CPS1: variants seen among roughly 807,000 people sequenced by gnomAD.
The protein encoded by CPS1 is carbamoyl-phosphate synthase [ammonia], mitochondrial.
Under a neutral mutation model 174.6 loss-of-function variants are expected in CPS1, and 109 were observed. The ratio of observed to expected loss-of-function variants is 0.62; its 90% CI spans 0.53 to 0.73. The LOEUF (loss-of-function observed/expected upper bound fraction) is 0.73. Among genes scored for constraint, CPS1 ranks in the 30% least tolerant of loss-of-function variants. CPS1 has a pLI of 0.00. For missense variants in CPS1, 1,689 were observed against 1,821.9 expected (o/e 0.93, Z 1.33); for synonymous variants, 637 against 632.0 (o/e 1.01, Z -0.12).
chr2:210,660,281 G>T (rs1574653840), intron 31 of CPS1, among the ~76,000 whole-genome samples: 1 of 151,974 alleles, frequency 6.6e-6, no homozygotes, highest in African/African-American at 2.4e-5. Flanking sequence ...TTTGGAAAAA[G>T]GCATGAAAGA....
rs768579926 is a variant in CPS1, at chr2:210,648,013, G to A, written c.3292G>A (p.Glu1098Lys). Residue 1098 changes from glutamate to lysine, a missense_variant, in exon 26 of 38, where the codon GAG becomes AAG. Coordinates refer to ENST00000233072, the MANE Select transcript of CPS1 (RefSeq NM_001875.5). ...DRSIFSAVLDELKVAQAPWKA... is the reference protein window; with the variant it reads ...DRSIFSAVLDKLKVAQAPWKA... ...CTCCATCTTCTCAGCTGTCTTGGAT[G>A]AGCTGAAGGTGGCTCAGGCACCTTG... 2.5e-6 allele frequency: 4 copies of A among 1,613,924 alleles called. No individual in the cohort carries two copies. The highest frequency in any genetic ancestry group is 1.3e-5 in the African/African-American group (1 of 74,922).
intron 32 of CPS1, among the ~76,000 whole-genome samples, chr2:210,662,110 T>G (rs1310120722): frequency 6.6e-6 from 1 of 151,854 alleles, no homozygotes; most frequent in African/African-American, 2.4e-5. Context: ...GAGATGGGGT[T>G]TTGCCATGTT....
At chr2:210,635,554 A>AT (rs1700018294) in intron 21 of CPS1, among the ~76,000 whole-genome samples, 2 of 152,192 alleles carry the variant, frequency 1.3e-5, no homozygotes, top group Non-Finnish European at 2.9e-5. Flanking sequence ...GTAGCTCTAA[A>AT]TTTTTGGTCT....
At chr2:210,522,327 A>T (rs1303535638) in intron 1 of CPS1, among the ~76,000 whole-genome samples, 1 of 151,976 alleles carries the variant, frequency 6.6e-6, no homozygotes, top group Admixed American at 6.6e-5. Context: ...ATAAAGTCCA[A>T]TTTATCATTC....
chr2:210,593,429 A>C, intron 11 of CPS1: 1 of 1,030,550 alleles, frequency 9.7e-7, no homozygotes, highest in Non-Finnish European at 1.2e-6. Flanking sequence ...GCATGCATGC[A>C]CATACATAGA....
At chr2:210,513,278 T>G (rs1412501415) in intron 1 of CPS1, among the ~76,000 whole-genome samples, 1 of 151,496 alleles carries the variant, frequency 6.6e-6, no homozygotes, top group Non-Finnish European at 1.5e-5. Context: ...GTAGCTGAGC[T>G]AATTTACATT....
intron 1 of CPS1, among the ~76,000 whole-genome samples, chr2:210,545,219 G>A (rs1042341627): frequency 3.9e-5 from 6 of 151,954 alleles, no homozygotes; most frequent in South Asian, 4.1e-4. Flanking sequence ...AAGCTCTAAC[G>A]GTCAGAAGTT....
At chr2:210,639,679 TG>T (rs1700153454) in intron 23 of CPS1, among the ~76,000 whole-genome samples, 1 of 151,240 alleles carries the variant, frequency 6.6e-6, no homozygotes, top group African/African-American at 2.4e-5. Context: ...GATATGTTTC[TG>T]TACTCAGTCT....
intron 1 of CPS1, among the ~76,000 whole-genome samples, chr2:210,516,848 A>G (rs554660331): frequency 6.6e-6 from 1 of 152,028 alleles, no homozygotes; most frequent in East Asian, 1.9e-4. Flanking sequence ...TATAGTTAAG[A>G]CTTCACTTTT....
intron 1 of CPS1, chr2:210,477,850 A>T: frequency 3.4e-6 from 5 of 1,452,380 alleles, no homozygotes; most frequent in Non-Finnish European, 4.8e-6. Context: ...GGAAAACGAG[A>T]GACATTTTAT....
rs1694791456 is a variant in CPS1 at position 210,488,821 on chromosome 2, ATTG to A, written c.3+11057_3+11059del. Among the ~76,000 whole-genome samples the A allele has an allele frequency of 2.0e-5, 3 of 152,172 alleles. No individual in the cohort carries two copies. In the South Asian group the frequency reaches 6.2e-4, roughly 32 times the overall value. ...CATTCCTTCTACTTTTTGATTTATA[ATTG>A]TATTCCATAGCCAGAAAAATGCTAA... is the stretch of plus-strand genomic sequence containing the variant. On this transcript the variant is annotated intron_variant, in intron 1 of 38. Coordinates refer to the CPS1 transcript ENST00000430249.
At position 210,612,179 on chromosome 2, in the gene CPS1, A is replaced by G. The variant is rs765712117; in HGVS notation, c.2454A>G (p.Pro818=). The G allele has an allele frequency of 3.0e-5, 48 of 1,612,152 alleles. No homozygotes were observed. In the East Asian group the frequency reaches 1.0e-3, roughly 35 times the overall value. Residue 818 remains proline, a synonymous_variant, in exon 20 of 38, where the codon CCA becomes CCG. Coordinates refer to ENST00000233072, the MANE Select transcript of CPS1 (RefSeq NM_001875.5). The part of the protein sequence containing the change: ...SFQKALRMCH[P]SIEGFTPRLP... ...AGAAAGCTTTACGGATGTGCCACCCATCTATAGAAGGTTTCACTCCCCGTC... is the reference window on the plus strand; with the variant it reads ...AGAAAGCTTTACGGATGTGCCACCCGTCTATAGAAGGTTTCACTCCCCGTC...
chr2:210,615,687 C>T (rs968036589), intron 20 of CPS1, among the ~76,000 whole-genome samples: 7 of 151,962 alleles, frequency 4.6e-5, no homozygotes, highest in African/African-American at 1.7e-4. Flanking sequence ...AAATTTTCTA[C>T]TCAGCTTAAT....
chr2:210,493,085 A>G (rs1694910740), intron 1 of CPS1, among the ~76,000 whole-genome samples: 1 of 152,172 alleles, frequency 6.6e-6, no homozygotes, highest in African/African-American at 2.4e-5. Flanking sequence ...TTGAACAGAA[A>G]ACTAAATTTC....
chr2:210,665,819 A>G (rs987125420), intron 33 of CPS1, among the ~76,000 whole-genome samples: 1 of 146,838 alleles, frequency 6.8e-6, no homozygotes, highest in African/African-American at 2.5e-5. Flanking sequence ...AGCATGATTT[A>G]TAGTCCTTTG....
At chr2:210,613,232 C>T (rs1226256786) in intron 20 of CPS1, among the ~76,000 whole-genome samples, 2 of 151,878 alleles carry the variant, frequency 1.3e-5, no homozygotes, top group Non-Finnish European at 2.9e-5. Context: ...ATTTTGAACT[C>T]ATCGCAACTT....
chr2:210,606,746 T>C lies in CPS1; in HGVS notation c.1997T>C (p.Val666Ala). Residue 666 changes from valine (V) to alanine (A), a missense_variant, in exon 18 of 38, where the codon GTG becomes GCG. Transcript: ENST00000233072. The part of the protein sequence containing the change: ...MGVHTGDSVV[V>A]APAQTLSNAE... ...GGATATATAGGTGACTCAGTTGTTG[T>C]GGCTCCTGCCCAGACACTCTCCAAT... 1 of 1,612,404 alleles carries C rather than the reference T, an allele frequency of 6.2e-7. No homozygotes were observed. Among genetic ancestry groups the C allele is most frequent in the East Asian group, 2.2e-5 (1 of 44,798 alleles).
chr2:210,677,887 G>T lies in CPS1; in HGVS notation c.4405G>T (p.Val1469Leu). The part of the protein sequence containing the change: ...SGIPLLTNFQ[V>L]TKLFAEAVQK... ...CTGATTCCTACCATTATATTTTCAGGTGACCAAACTTTTTGCTGAAGCTGT... is the reference window on the plus strand; with the variant it reads ...CTGATTCCTACCATTATATTTTCAGTTGACCAAACTTTTTGCTGAAGCTGT... The change falls in exon 38 of 38, where the codon GTG becomes TTG. Residue 1469 changes from valine (V) to leucine (L), a missense_variant and splice_region_variant. Physicochemically the swap from Val to Leu is conservative, Grantham distance 32 (BLOSUM62 1). Coordinates refer to ENST00000233072, the MANE Select transcript of CPS1 (RefSeq NM_001875.5). 1 of 1,612,758 alleles carries T rather than the reference G, an allele frequency of 6.2e-7. No homozygotes were observed. The highest frequency in any genetic ancestry group is 8.5e-7 in the Non-Finnish European group (1 of 1,178,860).
intron 35 of CPS1, 91 bp from the exon 36 acceptor site, chr2:210,675,636 CA>C (rs1701500190): frequency 1.3e-6 from 1 of 749,042 alleles, no homozygotes; most frequent in Non-Finnish European, 2.4e-6. Context: ...TCATGTTCAG[CA>C]ATTTCTTCTT....
Sources: allele counts gnomAD v4.1 joint callset (sites outside exome capture counted in the v4.1 genomes callset), GRCh38; gene constraint gnomAD v4.1.1; transcripts MANE v1.5; gene names NCBI Gene and HGNC (gene_info 2026-07-23, HGNC 2026-07-21).